The following GDAP1 variants were observed in gnomAD, a reference collection of about 807,000 sequenced individuals.
GDAP1 encodes the protein ganglioside induced differentiation associated protein 1, also known as ganglioside-induced differentiation-associated protein 1.
In GDAP1, 34 loss-of-function variants were observed where a neutral mutation model predicts 40.1. The observed-to-expected ratio is 0.85, with a 90% CI of 0.64 to 1.13. The LOEUF is 1.13. GDAP1 is among the 50% of genes most tolerant of loss of function. The probability of loss-of-function intolerance (pLI) is 0.00; values close to 1 mark genes in which losing one functional copy is unlikely to be tolerated. For synonymous variants in GDAP1, 170 were observed against 157.4 expected, an observed-to-expected ratio of 1.08 and a Z score of -0.60; for missense variants, 374 against 433.7, an observed-to-expected ratio of 0.86 and a Z score of 1.22.
At chr8:74,414,316 A>G (rs371001702) in intron 2 of GDAP1, among the ~76,000 whole-genome samples, 2 of 150,356 alleles carry the variant, frequency 1.3e-5, no homozygotes, top group South Asian at 2.1e-4. Flanking sequence ...ACAGATGCCT[A>G]TGTTGGGATA....
intron 2 of GDAP1, among the ~76,000 whole-genome samples, chr8:74,474,305 T>C (rs1806598199): frequency 1.3e-5 from 2 of 152,192 alleles, no homozygotes; most frequent in South Asian, 2.1e-4. Context: ...GTCTGATTGT[T>C]CTGGCCAGGA....
At chr8:74,360,116 A>G (rs913067604) in intron 2 of GDAP1, 21 bp from the exon 3 acceptor site, 1 of 1,589,338 alleles carries the variant, frequency 6.3e-7, no homozygotes, top group Non-Finnish European at 8.6e-7. Flanking sequence ...TTTCTTCAAT[A>G]TTTGTGTGTG....
intron 2 of GDAP1, among the ~76,000 whole-genome samples, chr8:74,385,504 G>A (rs982700026): frequency 1.3e-5 from 2 of 152,110 alleles, no homozygotes; most frequent in African/African-American, 2.4e-5. Context: ...CAAAGAACAC[G>A]AACTCATCCT....
At chr8:74,374,745 G>C (rs1468901588) in intron 2 of GDAP1, among the ~76,000 whole-genome samples, 1 of 152,028 alleles carries the variant, frequency 6.6e-6, no homozygotes, top group African/African-American at 2.4e-5. Context: ...GCAACTAGAT[G>C]AAATTGACAA....
chr8:74,393,063 A>G (rs1810136629), intron 2 of GDAP1, among the ~76,000 whole-genome samples: 1 of 152,180 alleles, frequency 6.6e-6, no homozygotes, highest in African/African-American at 2.4e-5. Context: ...TATTAAGTGA[A>G]CTTTACATTT....
rs561392899 is a variant in GDAP1 at position 74,397,154 on chromosome 8, C to A, written c.165+45833C>A. ...TATCTGTTGGATGCATAAAAGTCTT[C>A]TCTTGAGAAGTGTCTGTTCATGTCC... On this transcript the variant is annotated intron_variant, in intron 2 of 2. Transcript: ENST00000523640. 2.0e-5 allele frequency among the ~76,000 whole-genome samples: 3 copies of A among 149,984 alleles called. No individual in the cohort carries two copies. In the South Asian group the frequency reaches 6.3e-4, roughly 31 times the overall value.
At chr8:74,400,462 G>T (rs1308500428) in intron 2 of GDAP1, among the ~76,000 whole-genome samples, 1 of 149,568 alleles carries the variant, frequency 6.7e-6, no homozygotes, top group African/African-American at 2.6e-5. Context: ...ACGTGAGATG[G>T]GTTTCCTGAA....
rs116513877 is a variant in GDAP1 at position 74,423,605 on chromosome 8, A to G, written c.166-65073A>G. On this transcript the variant is annotated intron_variant, in intron 2 of 2. Transcript: ENST00000523640. ...ACAAGCTAAATAATTTTTACTGTCT[A>G]TGCTTATTGGTATTATCATGGATGC... is the stretch of plus-strand genomic sequence containing the variant. Among the ~76,000 whole-genome samples, 836 of 151,994 alleles carry G rather than the reference A, an allele frequency of 5.5e-3. 9 individuals carry two copies. Among genetic ancestry groups the G allele is most frequent in the African/African-American group, 0.019 (777 of 41,506 alleles).
intron 2 of GDAP1, among the ~76,000 whole-genome samples, chr8:74,403,377 A>G (rs903597681): frequency 1.3e-5 from 2 of 150,166 alleles, no homozygotes; most frequent in African/African-American, 5.1e-5. Context: ...TAAAAGTTTA[A>G]TTATTAATTT....
At chr8:74,450,914 A>T (rs1806292390) in intron 2 of GDAP1, among the ~76,000 whole-genome samples, 1 of 80,026 alleles carries the variant, frequency 1.2e-5, no homozygotes, top group South Asian at 5.7e-4. Flanking sequence ...TTTTAATTAT[A>T]ACTATTTAAA....
At chr8:74,350,718 A>T (rs1165346047) in intron 1 of GDAP1, 140 bp downstream of exon 1, 3 of 722,296 alleles carry the variant, frequency 4.2e-6, no homozygotes, top group Non-Finnish European at 7.5e-6. Context: ...CGCTCCCTCC[A>T]GGCGGGGACG....
chr8:74,419,158 C>A (rs1288021022), intron 2 of GDAP1, among the ~76,000 whole-genome samples: 1 of 152,122 alleles, frequency 6.6e-6, no homozygotes, highest in Non-Finnish European at 1.5e-5. Context: ...CCATATAACT[C>A]AAAAATTCCA....
chr8:74,486,293 T>G (rs78747832), intron 2 of GDAP1, among the ~76,000 whole-genome samples: 8,251 of 152,276 alleles, frequency 0.054, 300 homozygotes, highest in East Asian at 0.085. Context: ...ATGTTTTTCT[T>G]ATGTTCTAAT....
chr8:74,482,221 A>G lies in GDAP1; in HGVS notation c.166-6457A>G, dbSNP rs140097423. Among the ~76,000 whole-genome samples the G allele has an allele frequency of 9.0e-3, 1,360 of 151,814 alleles. 13 individuals are homozygous for G. Among genetic ancestry groups the G allele is most frequent in the Non-Finnish European group, 0.015 (1,007 of 67,956 alleles). On this transcript the variant is annotated intron_variant, in intron 2 of 2. Transcript: ENST00000523640. ...TATTCTCAGCAGCAGCATCAAACCT[A>G]TGGAGTTCACGATTCCTTCAGGCAA...
chr8:74,480,986 A>G (rs1806704098), intron 2 of GDAP1, among the ~76,000 whole-genome samples: 1 of 152,212 alleles, frequency 6.6e-6, no homozygotes, highest in South Asian at 2.1e-4. Context: ...TTGGGAAAAA[A>G]CTAGTAGTTG....
intron 2 of GDAP1, among the ~76,000 whole-genome samples, chr8:74,431,560 C>T (rs936130880): frequency 3.9e-5 from 6 of 152,124 alleles, no homozygotes; most frequent in Non-Finnish European, 8.8e-5. Flanking sequence ...CCGCTCACTG[C>T]AAGCTCCGCC....
intron 2 of GDAP1, among the ~76,000 whole-genome samples, chr8:74,437,287 G>A (rs750205358): frequency 6.6e-6 from 1 of 152,148 alleles, no homozygotes; most frequent in African/African-American, 2.4e-5. Context: ...AGGCAAGTAA[G>A]GCCCCTAAAA....
At position 74,478,754 on chromosome 8, in the gene GDAP1, C is replaced by T. The variant is rs151081849; in HGVS notation, c.166-9924C>T. On this transcript the variant is annotated intron_variant, in intron 2 of 2. Coordinates refer to the GDAP1 transcript ENST00000523640. ...CGCACCAGCTGGAGTTCTGCCCCTA[C>T]CACTTGTCTAAGCAGTTCTCCCTGA... 1.3e-3 allele frequency among the ~76,000 whole-genome samples: 199 copies of T among 152,322 alleles called. 3 individuals are homozygous for T. The highest frequency in any genetic ancestry group is 2.1e-3 in the Admixed American group (32 of 15,298).
chr8:74,428,984 G>C (rs938736335), intron 2 of GDAP1, among the ~76,000 whole-genome samples: 6 of 150,680 alleles, frequency 4.0e-5, no homozygotes, highest in Middle Eastern at 3.5e-3. Flanking sequence ...TTGTCCTTGC[G>C]ATAGTTTGCT....
Sources: allele counts gnomAD v4.1 joint callset (sites outside exome capture counted in the v4.1 genomes callset), GRCh38; gene constraint gnomAD v4.1.1; transcripts MANE v1.5; gene names NCBI Gene and HGNC (gene_info 2026-07-23, HGNC 2026-07-21).